The following PTPRD variants were observed in gnomAD, a reference collection of about 807,000 sequenced individuals.
The protein encoded by PTPRD is receptor-type tyrosine-protein phosphatase delta.
Under a neutral mutation model 214.5 loss-of-function variants are expected in PTPRD, and 34 were observed. The observed-to-expected ratio is 0.16, with a 90% CI of 0.12 to 0.21. The LOEUF is 0.21. PTPRD is among the 10% of genes least tolerant of loss of function. The pLI, the probability that PTPRD is intolerant of heterozygous loss-of-function variation, is 1.00. For synonymous variants in PTPRD, 1,128 were observed against 845.7 expected, an observed-to-expected ratio of 1.33 and a Z score of -5.79; for missense variants, 2,545 against 2,398.7, an observed-to-expected ratio of 1.06 and a Z score of -1.27.
At chr9:10,088,938 G>A in intron 3 of PTPRD, among the ~76,000 whole-genome samples, 1 of 151,518 alleles carries the variant, frequency 6.6e-6, no homozygotes, top group Admixed American at 6.6e-5. Context: ...ACTAACAATA[G>A]ATTGTATGTT....
intron 4 of PTPRD, among the ~76,000 whole-genome samples, chr9:10,024,709 C>T (rs866921305): frequency 9.3e-5 from 14 of 150,928 alleles, no homozygotes; most frequent in African/African-American, 3.2e-4. Context: ...ATACATGTGC[C>T]ATGTTGGTGT....
intron 4 of PTPRD, among the ~76,000 whole-genome samples, chr9:9,979,580 T>C (rs2095471855): frequency 6.6e-6 from 1 of 152,102 alleles, no homozygotes; most frequent in African/African-American, 2.4e-5. Flanking sequence ...AACATATAAG[T>C]AGAACAATGA....
At chr9:8,812,398 GT>G (rs1344872677) in intron 11 of PTPRD, among the ~76,000 whole-genome samples, 8 of 152,146 alleles carry the variant, frequency 5.3e-5, no homozygotes, top group Non-Finnish European at 8.8e-5. Flanking sequence ...GAATAGTTGG[GT>G]AAAGTTTCCA....
chr9:9,923,324 A>G (rs1212107291), intron 5 of PTPRD, among the ~76,000 whole-genome samples: 2 of 151,792 alleles, frequency 1.3e-5, no homozygotes, highest in African/African-American at 2.4e-5. Context: ...ATCAAAAGTT[A>G]AAAGAAAGAC....
chr9:8,337,553 T>C (rs916090481), intron 43 of PTPRD, among the ~76,000 whole-genome samples: 1 of 152,024 alleles, frequency 6.6e-6, no homozygotes, highest in Non-Finnish European at 1.5e-5. Flanking sequence ...AATTAAATTA[T>C]GTAACAAACC....
At chr9:9,113,174 C>T (rs891993772) in intron 10 of PTPRD, among the ~76,000 whole-genome samples, 1 of 151,792 alleles carries the variant, frequency 6.6e-6, no homozygotes, top group Non-Finnish European at 1.5e-5. Flanking sequence ...TGGGGTCTCA[C>T]TATGTTGCCC....
intron 10 of PTPRD, among the ~76,000 whole-genome samples, chr9:9,069,017 C>T (rs2099739883): frequency 6.6e-6 from 1 of 151,928 alleles, no homozygotes; most frequent in Non-Finnish European, 1.5e-5. Context: ...TTCATATATA[C>T]AAAGGAAAAT....
intron 9 of PTPRD, among the ~76,000 whole-genome samples, chr9:9,231,502 A>G (rs930626935): frequency 6.6e-6 from 1 of 152,150 alleles, no homozygotes; most frequent in Non-Finnish European, 1.5e-5. Flanking sequence ...AAATTGGACA[A>G]TTGAGTACCA....
intron 10 of PTPRD, among the ~76,000 whole-genome samples, chr9:9,045,083 C>T (rs1483491152): frequency 1.3e-5 from 2 of 152,104 alleles, no homozygotes; most frequent in Admixed American, 6.6e-5. Flanking sequence ...TTGTCATTTC[C>T]AACCAACTAA....
chr9:8,566,724 T>C (rs2089383698), intron 14 of PTPRD, among the ~76,000 whole-genome samples: 1 of 152,198 alleles, frequency 6.6e-6, no homozygotes. Context: ...TGGAGTCAAA[T>C]TCATATCCAT....
chr9:10,054,655 G>A (rs1412527599), intron 3 of PTPRD, among the ~76,000 whole-genome samples: 8 of 152,218 alleles, frequency 5.3e-5, no homozygotes, highest in Non-Finnish European at 7.4e-5. Flanking sequence ...CACTGGGAGA[G>A]TAGGAGTCTA....
intron 2 of PTPRD, among the ~76,000 whole-genome samples, chr9:10,539,900 G>A (rs536130552): frequency 1.3e-5 from 2 of 152,146 alleles, no homozygotes; most frequent in Non-Finnish European, 2.9e-5. Context: ...CGTCTGTGGT[G>A]TATCAACAAC....
intron 3 of PTPRD, among the ~76,000 whole-genome samples, chr9:10,234,450 T>C (rs2099622533): frequency 1.3e-5 from 2 of 151,948 alleles, no homozygotes; most frequent in South Asian, 4.1e-4. Context: ...AATTCTATTT[T>C]AGTTCATTAA....
At chr9:8,394,822 G>A (rs2090648605) in intron 36 of PTPRD, among the ~76,000 whole-genome samples, 1 of 152,060 alleles carries the variant, frequency 6.6e-6, no homozygotes, top group Admixed American at 6.6e-5. Flanking sequence ...TTTTCACTGA[G>A]GCTGCTACTT....
chr9:9,983,884 T>C (rs534349842), intron 4 of PTPRD, among the ~76,000 whole-genome samples: 39 of 152,284 alleles, frequency 2.6e-4, no homozygotes, highest in African/African-American at 8.9e-4. Flanking sequence ...ACCGATTTAT[T>C]CATTAATTTA....
chr9:9,134,000 T>C (rs935113521), intron 10 of PTPRD, among the ~76,000 whole-genome samples: 2 of 151,328 alleles, frequency 1.3e-5, no homozygotes, highest in African/African-American at 2.4e-5. Flanking sequence ...CATCCCCAAA[T>C]CTGCTACTCC....
intron 3 of PTPRD, among the ~76,000 whole-genome samples, chr9:10,163,076 G>A (rs74954604): frequency 7.3e-5 from 11 of 150,448 alleles, no homozygotes; most frequent in African/African-American, 2.7e-4. Flanking sequence ...AATAAGAAAA[G>A]GAATCATGAA....
intron 5 of PTPRD, among the ~76,000 whole-genome samples, chr9:9,784,886 A>T (rs180876817): frequency 1.5e-3 from 220 of 148,016 alleles, no homozygotes; most frequent in Non-Finnish European, 2.6e-3. Flanking sequence ...ACACGCACAC[A>T]CCTATACACA....
chr9:9,513,835 T>C (rs2096770346), intron 8 of PTPRD, among the ~76,000 whole-genome samples: 1 of 152,030 alleles, frequency 6.6e-6, no homozygotes, highest in South Asian at 2.1e-4. Context: ...GAATCAAATA[T>C]CACCTGCTGG....
Sources: allele counts gnomAD v4.1 joint callset (sites outside exome capture counted in the v4.1 genomes callset), GRCh38; gene constraint gnomAD v4.1.1; transcripts MANE v1.5; gene names NCBI Gene and HGNC (gene_info 2026-07-23, HGNC 2026-07-21).